The following NIPAL2 variants were observed in gnomAD, a reference collection of about 807,000 sequenced individuals.
The protein encoded by NIPAL2 is NIPA like domain containing 2.
Under a neutral mutation model 48.9 loss-of-function variants are expected in NIPAL2, and 43 were observed. The observed-to-expected ratio is 0.88, with a 90% CI of 0.69 to 1.13. NIPAL2 has a LOEUF of 1.13. Among genes scored for constraint, NIPAL2 ranks in the 50% most tolerant of loss-of-function variants. The pLI is 0.00. For synonymous variants in NIPAL2, 167 were observed against 174.6 expected (o/e 0.96, Z 0.34); for missense variants, 446 against 461.4 (o/e 0.97, Z 0.31).
At chr8:98,229,560 C>CA (rs1281326730) in intron 4 of NIPAL2, among the ~76,000 whole-genome samples, 1 of 151,978 alleles carries the variant, frequency 6.6e-6, no homozygotes, top group Non-Finnish European at 1.5e-5. Context: ...TTAATTTTTG[C>CA]AGAGATAGGG....
chr8:98,194,621 T>C, intron 10 of NIPAL2, 107 bp downstream of exon 10: 1 of 549,556 alleles, frequency 1.8e-6, no homozygotes. Context: ...ATGTACATTT[T>C]TTAGGATAAG....
chr8:98,275,900 C>A (rs1408902698), intron 1 of NIPAL2, among the ~76,000 whole-genome samples: 1 of 152,086 alleles, frequency 6.6e-6, no homozygotes, highest in Non-Finnish European at 1.5e-5. Flanking sequence ...GTATTTATAT[C>A]CTCAAACTAG....
intron 5 of NIPAL2, among the ~76,000 whole-genome samples, chr8:98,218,647 G>GAT (rs1338227968): frequency 6.6e-6 from 1 of 152,202 alleles, no homozygotes; most frequent in Non-Finnish European, 1.5e-5. Flanking sequence ...TGGCCTGAGT[G>GAT]ATACATTGAG....
At chr8:98,217,015 C>T in intron 5 of NIPAL2, 1 of 963,536 alleles carries the variant, frequency 1.0e-6, no homozygotes, top group Non-Finnish European at 1.2e-6. Context: ...TCAGACAGGC[C>T]ATGTTATGCA....
intron 1 of NIPAL2, among the ~76,000 whole-genome samples, chr8:98,291,133 G>A (rs1010591257): frequency 1.3e-5 from 2 of 152,082 alleles, no homozygotes; most frequent in Non-Finnish European, 2.9e-5. Flanking sequence ...GCTCCCCACT[G>A]TCTGCAAGGT....
At chr8:98,271,480 C>T (rs1332027984) in intron 1 of NIPAL2, among the ~76,000 whole-genome samples, 1 of 151,942 alleles carries the variant, frequency 6.6e-6, no homozygotes, top group Admixed American at 6.6e-5. Flanking sequence ...GATTGTGTTC[C>T]TGATTTGGCT....
intron 8 of NIPAL2, among the ~76,000 whole-genome samples, chr8:98,200,304 C>G (rs920824066): frequency 6.6e-6 from 1 of 152,158 alleles, no homozygotes; most frequent in African/African-American, 2.4e-5. Flanking sequence ...TCATTTCCTC[C>G]TCCCCGCAGC....
intron 1 of NIPAL2, among the ~76,000 whole-genome samples, chr8:98,291,303 C>A (rs1045426478): frequency 6.6e-6 from 1 of 152,206 alleles, no homozygotes; most frequent in Non-Finnish European, 1.5e-5. Flanking sequence ...AGGCACCAGT[C>A]CTGGCCATGA....
chr8:98,276,554 C>T (rs894939665), intron 1 of NIPAL2, among the ~76,000 whole-genome samples: 15 of 152,016 alleles, frequency 9.9e-5, no homozygotes, highest in Non-Finnish European at 4.4e-5. Context: ...TGCAGACATA[C>T]GTTTTCAGTG....
At chr8:98,196,229 TATAAA>T (rs1389102087) in intron 8 of NIPAL2, among the ~76,000 whole-genome samples, 8 of 152,222 alleles carry the variant, frequency 5.3e-5, no homozygotes, top group Non-Finnish European at 1.2e-4. Context: ...TTATCATTAT[TATAAA>T]AGAAACATAA....
intron 3 of NIPAL2, among the ~76,000 whole-genome samples, chr8:98,237,212 T>C (rs1812763449): frequency 6.7e-6 from 1 of 150,274 alleles, no homozygotes; most frequent in Admixed American, 6.6e-5. Context: ...CACTCCCAGC[T>C]AATTAAAAAT....
chr8:98,273,268 A>T (rs1267066851), intron 1 of NIPAL2, among the ~76,000 whole-genome samples: 1 of 152,214 alleles, frequency 6.6e-6, no homozygotes, highest in Admixed American at 6.6e-5. Context: ...GTAACAAAAG[A>T]TCACAAATTA....
intron 4 of NIPAL2, among the ~76,000 whole-genome samples, chr8:98,224,137 G>A (rs933571351): frequency 8.5e-5 from 13 of 152,184 alleles, no homozygotes; most frequent in Non-Finnish European, 1.5e-4. Context: ...TAACTTTCTT[G>A]TATTTAAATT....
chr8:98,231,212 G>A (rs183677454), intron 4 of NIPAL2, among the ~76,000 whole-genome samples: 5 of 152,232 alleles, frequency 3.3e-5, no homozygotes, highest in South Asian at 4.2e-4. Flanking sequence ...AGGACCCCTC[G>A]ATTGAAAATC....
At chr8:98,193,694 T>G (rs1376046974) in intron 10 of NIPAL2, among the ~76,000 whole-genome samples, 1 of 151,144 alleles carries the variant, frequency 6.6e-6, no homozygotes. Context: ...TGGTGCCTAC[T>G]CGGGAGGCTG....
chr8:98,253,770 A>G (rs1184015283), intron 2 of NIPAL2, among the ~76,000 whole-genome samples: 1 of 152,226 alleles, frequency 6.6e-6, no homozygotes, highest in Non-Finnish European at 1.5e-5. Context: ...CCTAGGGTCT[A>G]CAATACTGTC....
intron 1 of NIPAL2, among the ~76,000 whole-genome samples, chr8:98,286,830 A>C (rs796184718): frequency 0.095 from 12,157 of 127,402 alleles, 1,177 homozygotes; most frequent in African/African-American, 0.25. Flanking sequence ...AAAAAAAAAA[A>C]AAAACCAAAA....
At position 98,190,777 on chromosome 8, in the gene NIPAL2, T is replaced by G. The variant is rs1014116503; in HGVS notation, c.*2201A>C. 1 of 152,202 alleles carries G rather than the reference T, an allele frequency of 6.6e-6. No individual in the cohort carries two copies. The highest frequency in any genetic ancestry group is 1.5e-5 in the Non-Finnish European group (1 of 68,028). 9.4% of individuals were successfully genotyped at this position (152,202 alleles called of 1,614,324 possible). On this transcript the variant is annotated 3_prime_UTR_variant, in exon 11 of 11. Coordinates refer to ENST00000430223, the MANE Select transcript of NIPAL2 (RefSeq NM_001321635.2). ...CACAAACTCCAAAATATGTACTCTG[T>G]GGGTCTTTACTGAAAACTTTGCCGA...
intron 6 of NIPAL2, among the ~76,000 whole-genome samples, chr8:98,209,305 C>G (rs2130717505): frequency 6.6e-6 from 1 of 151,974 alleles, no homozygotes; most frequent in South Asian, 2.1e-4. Context: ...CAGAGAAGAA[C>G]CAGTTTTATT....
Sources: allele counts gnomAD v4.1 joint callset (sites outside exome capture counted in the v4.1 genomes callset), GRCh38; gene constraint gnomAD v4.1.1; transcripts MANE v1.5; gene names NCBI Gene and HGNC (gene_info 2026-07-23, HGNC 2026-07-21).